Variants in NAV2 observed in about 807,000 individuals in gnomAD.
NAV2 encodes the protein helicase, APC down-regulated 1.
Under a neutral mutation model 223.2 loss-of-function variants are expected in NAV2, and 54 were observed. The observed-to-expected ratio is 0.24, with a 90% CI of 0.19 to 0.30. The LOEUF (loss-of-function observed/expected upper bound fraction) is 0.30, where lower values mean the gene tolerates loss of function less well. NAV2 is among the 10% of genes least tolerant of loss of function. The pLI is 1.00. For synonymous variants in NAV2, 1,279 were observed against 1,239.3 expected, an observed-to-expected ratio of 1.03 and a Z score of -0.67; for missense variants, 2,806 against 3,147.5, an observed-to-expected ratio of 0.89 and a Z score of 2.60.
intron 6 of NAV2, among the ~76,000 whole-genome samples, chr11:19,921,182 T>A: frequency 6.6e-6 from 1 of 152,358 alleles, no homozygotes; most frequent in East Asian, 1.9e-4. Flanking sequence ...ATCTATCTGA[T>A]ACTAAGTGTC....
At chr11:19,656,218 C>T (rs1173860360) in intron 1 of NAV2, among the ~76,000 whole-genome samples, 2 of 152,158 alleles carry the variant, frequency 1.3e-5, no homozygotes, top group Middle Eastern at 3.2e-3. Context: ...CAGAGACCAC[C>T]ATTACCAGGG....
intron 1 of NAV2, among the ~76,000 whole-genome samples, chr11:19,565,338 C>T (rs954768692): frequency 6.6e-6 from 1 of 152,226 alleles, no homozygotes; most frequent in Non-Finnish European, 1.5e-5. Context: ...TCCTATTTCC[C>T]TAATCTTTCA....
intron 6 of NAV2, among the ~76,000 whole-genome samples, chr11:19,904,190 T>A (rs1414124417): frequency 7.2e-5 from 11 of 152,238 alleles, no homozygotes; most frequent in East Asian, 3.8e-4. Context: ...CTCTCCCTTA[T>A]TTATTATACA....
intron 1 of NAV2, among the ~76,000 whole-genome samples, chr11:19,371,061 A>ACAG (rs1848452939): frequency 6.6e-6 from 1 of 152,218 alleles, no homozygotes; most frequent in African/African-American, 2.4e-5. Context: ...TTAATGTCAC[A>ACAG]CAGCAGCAGG....
intron 1 of NAV2, among the ~76,000 whole-genome samples, chr11:19,393,895 G>GTTTTTTTTTTTTTTTTTTTTTTT (rs5790072): frequency 2.9e-5 from 4 of 136,230 alleles, no homozygotes; most frequent in Non-Finnish European, 3.1e-5. Flanking sequence ...TAACTTAAGG[G>GTTTTTTTTTTTTTTTTTTTTTTT]TTTTTTTTTT....
chr11:19,944,313 T>G (rs1377283309), intron 8 of NAV2, among the ~76,000 whole-genome samples: 1 of 152,250 alleles, frequency 6.6e-6, no homozygotes, highest in Non-Finnish European at 1.5e-5. Flanking sequence ...CCAGCTCAGC[T>G]CAAATGCTGC....
At chr11:19,799,789 C>T (rs566876256) in intron 1 of NAV2, among the ~76,000 whole-genome samples, 1 of 152,158 alleles carries the variant, frequency 6.6e-6, no homozygotes, top group African/African-American at 2.4e-5. Flanking sequence ...CACCACCCCC[C>T]ACACCTGCCC....
intron 1 of NAV2, among the ~76,000 whole-genome samples, chr11:19,411,578 T>G (rs1034114231): frequency 6.6e-6 from 1 of 152,166 alleles, no homozygotes; most frequent in Non-Finnish European, 1.5e-5. Context: ...GCCCTGAGAA[T>G]GTTCTAAGGG....
chr11:19,988,537 G>T (rs112313648), intron 11 of NAV2, among the ~76,000 whole-genome samples: 2,743 of 77,544 alleles, frequency 0.035, 85 homozygotes, highest in African/African-American at 0.086. Flanking sequence ...AGAAAGGAGA[G>T]ATTTTTCTTT....
chr11:19,674,206 G>A (rs955467487), intron 1 of NAV2, among the ~76,000 whole-genome samples: 7 of 152,194 alleles, frequency 4.6e-5, no homozygotes, highest in South Asian at 2.1e-4. Context: ...TCTTGAAGCC[G>A]CCGTCTCCCT....
At chr11:19,710,070 A>T (rs1261733509), upstream of NAV2, among the ~76,000 whole-genome samples, 3 of 152,232 alleles carry the variant, frequency 2.0e-5, no homozygotes, top group East Asian at 5.8e-4. Context: ...GGGTCTCAGA[A>T]CCCCGAAATG....
At chr11:19,372,138 C>G (rs1848492286) in intron 1 of NAV2, among the ~76,000 whole-genome samples, 1 of 152,086 alleles carries the variant, frequency 6.6e-6, no homozygotes, top group Non-Finnish European at 1.5e-5. Flanking sequence ...ATTGGAAAAC[C>G]TGGATATAAT....
intron 3 of NAV2, among the ~76,000 whole-genome samples, chr11:19,855,553 G>A (rs930630158): frequency 2.6e-5 from 4 of 152,306 alleles, no homozygotes; most frequent in Non-Finnish European, 4.4e-5. Context: ...AGTTGGATGT[G>A]AGGGCAGAAC....
chr11:19,876,491 T>A (rs1206352260), intron 4 of NAV2, among the ~76,000 whole-genome samples: 1 of 152,116 alleles, frequency 6.6e-6, no homozygotes, highest in African/African-American at 2.4e-5. Context: ...ACCACAAGAT[T>A]TTCTGGCTCC....
intron 1 of NAV2, among the ~76,000 whole-genome samples, chr11:19,647,708 G>A (rs2047857036): frequency 6.6e-6 from 1 of 152,154 alleles, no homozygotes; most frequent in Non-Finnish European, 1.5e-5. Context: ...AAGGATGGAT[G>A]TGGAGTAGAG....
At chr11:19,455,636 T>C (rs1851933383) in intron 1 of NAV2, among the ~76,000 whole-genome samples, 1 of 152,204 alleles carries the variant, frequency 6.6e-6, no homozygotes, top group African/African-American at 2.4e-5. Context: ...ACTATTATTA[T>C]GCCATTTTAC....
intron 1 of NAV2, among the ~76,000 whole-genome samples, chr11:19,490,842 A>G (rs553426589): frequency 2.6e-5 from 4 of 152,324 alleles, no homozygotes. Context: ...CATGGCAGTT[A>G]TAGCCTTTTG....
intron 11 of NAV2, among the ~76,000 whole-genome samples, chr11:20,029,393 G>A (rs1231086018): frequency 1.3e-5 from 2 of 152,168 alleles, no homozygotes; most frequent in Non-Finnish European, 2.9e-5. Context: ...GCGTTGGTGG[G>A]CCCGGGCTTT....
intron 10 of NAV2, among the ~76,000 whole-genome samples, chr11:19,960,487 C>T (rs184751920): frequency 2.6e-5 from 4 of 152,272 alleles, no homozygotes; most frequent in Admixed American, 1.3e-4. Context: ...TTTATTGTCA[C>T]TTTCCCTTTG....
Sources: gnomAD v4.1 joint callset for allele counts (sites outside exome capture counted in the v4.1 genomes callset) on GRCh38, gnomAD v4.1.1 for gene constraint, MANE v1.5 for transcripts, NCBI Gene and HGNC (gene_info 2026-07-23, HGNC 2026-07-21) for gene names.